Variants in DNAH11 observed in about 807,000 individuals in gnomAD.
The protein encoded by DNAH11 is dynein axonemal heavy chain 11.
Under a neutral mutation model 526.0 loss-of-function variants are expected in DNAH11, and 442 were observed. The ratio of observed to expected loss-of-function variants is 0.84; its 90% CI spans 0.78 to 0.91. DNAH11 has a LOEUF of 0.91. DNAH11 is among the 40% of genes least tolerant of loss of function. The probability of loss-of-function intolerance (pLI) is 0.00; values close to 1 mark genes in which losing one functional copy is unlikely to be tolerated. For missense variants in DNAH11, 6,989 were observed against 5,448.7 expected (o/e 1.28, Z -8.90); for synonymous variants, 2,461 against 1,935.9 (o/e 1.27, Z -7.12).
At chr7:21,735,349 C>A (rs10276395) in intron 45 of DNAH11, among the ~76,000 whole-genome samples, 6 of 152,012 alleles carry the variant, frequency 3.9e-5, no homozygotes, top group African/African-American at 9.7e-5. Context: ...GAATTAGGAG[C>A]CTTGGGGGCT....
intron 74 of DNAH11, among the ~76,000 whole-genome samples, chr7:21,875,158 G>A (rs1342196080): frequency 1.3e-5 from 2 of 152,040 alleles, no homozygotes; most frequent in Non-Finnish European, 2.9e-5. Flanking sequence ...AAATCTTTTT[G>A]AAACTATTAA....
At chr7:21,757,093 C>A (rs921519738) in intron 54 of DNAH11, among the ~76,000 whole-genome samples, 2 of 152,172 alleles carry the variant, frequency 1.3e-5, no homozygotes, top group African/African-American at 2.4e-5. Flanking sequence ...ATTTTACCAA[C>A]CAATTCAGTG....
At chr7:21,544,923 C>T (rs1464535357) in intron 1 of DNAH11, 83 bp from the exon 2 acceptor site, 3 of 1,201,954 alleles carry the variant, frequency 2.5e-6, no homozygotes, top group East Asian at 2.6e-5. Context: ...CTTCTGCTAG[C>T]AATACAGCTA....
chr7:21,750,498 C>T, intron 54 of DNAH11, 134 bp downstream of exon 54: 2 of 1,198,206 alleles, frequency 1.7e-6, no homozygotes, highest in South Asian at 1.4e-5. Flanking sequence ...TTTTACACGC[C>T]TGTATCTGGA....
chr7:21,688,640 A>G (rs1207741926), intron 34 of DNAH11, among the ~76,000 whole-genome samples: 2 of 152,174 alleles, frequency 1.3e-5, no homozygotes, highest in East Asian at 1.9e-4. Flanking sequence ...CCAAAATAAA[A>G]ATCTTAGTCC....
chr7:21,726,753 C>T (rs202224391), intron 45 of DNAH11, among the ~76,000 whole-genome samples: 4 of 142,028 alleles, frequency 2.8e-5, no homozygotes, highest in South Asian at 2.4e-4. Context: ...CCCAGCTACT[C>T]GGGAGTCTGA....
At chr7:21,811,250 G>A (rs1418450633) in intron 63 of DNAH11, among the ~76,000 whole-genome samples, 1 of 152,016 alleles carries the variant, frequency 6.6e-6, no homozygotes, top group Non-Finnish European at 1.5e-5. Flanking sequence ...ATCACTTGAG[G>A]TCAGGAGTTC....
At chr7:21,755,746 A>G (rs2128494615) in intron 54 of DNAH11, among the ~76,000 whole-genome samples, 1 of 152,176 alleles carries the variant, frequency 6.6e-6, no homozygotes, top group East Asian at 1.9e-4. Flanking sequence ...TTACCTTCCC[A>G]TTTGTCTTTC....
At chr7:21,857,714 C>T (rs1252989980) in intron 68 of DNAH11, among the ~76,000 whole-genome samples, 3 of 152,012 alleles carry the variant, frequency 2.0e-5, no homozygotes, top group Non-Finnish European at 4.4e-5. Context: ...GGTGCCAAGA[C>T]AATTCAATGA....
At chr7:21,602,423 A>G (rs1785128170) in intron 18 of DNAH11, among the ~76,000 whole-genome samples, 1 of 152,168 alleles carries the variant, frequency 6.6e-6, no homozygotes. Flanking sequence ...TTTCTATGCC[A>G]TCCACCTGTT....
At chr7:21,754,491 C>T (rs1786541784) in intron 54 of DNAH11, among the ~76,000 whole-genome samples, 1 of 152,012 alleles carries the variant, frequency 6.6e-6, no homozygotes, top group African/African-American at 2.4e-5. Context: ...GTTGTCTAAT[C>T]CTTTTTATGG....
chr7:21,668,372 CTG>C (rs1032544018), intron 30 of DNAH11, among the ~76,000 whole-genome samples: 1 of 152,118 alleles, frequency 6.6e-6, no homozygotes, highest in Non-Finnish European at 1.5e-5. Flanking sequence ...GTCAGACATG[CTG>C]TCTTATAAAA....
intron 36 of DNAH11, among the ~76,000 whole-genome samples, chr7:21,699,451 A>G (rs989868000): frequency 1.3e-5 from 2 of 152,190 alleles, no homozygotes; most frequent in African/African-American, 4.8e-5. Context: ...ATTACTGGTG[A>G]CATTATTCTG....
intron 25 of DNAH11, among the ~76,000 whole-genome samples, chr7:21,622,067 AC>A (rs1225025432): frequency 6.6e-5 from 10 of 151,940 alleles, no homozygotes; most frequent in African/African-American, 2.4e-4. Context: ...TATCTAGAAA[AC>A]CCCATTGTCT....
At chr7:21,639,433 C>A (rs1787020787) in intron 28 of DNAH11, among the ~76,000 whole-genome samples, 1 of 152,166 alleles carries the variant, frequency 6.6e-6, no homozygotes, top group Admixed American at 6.5e-5. Flanking sequence ...AAGATCATAG[C>A]TGGTACCTTC....
chr7:21,885,190 AC>A (rs202195539), intron 76 of DNAH11, among the ~76,000 whole-genome samples: 12 of 83,666 alleles, frequency 1.4e-4, no homozygotes, highest in South Asian at 4.2e-4. Flanking sequence ...AAAAAAAAAC[AC>A]ACACATTTAT....
At chr7:21,744,647 G>A in intron 50 of DNAH11, 48 bp downstream of exon 50, 2 of 1,599,428 alleles carry the variant, frequency 1.3e-6, no homozygotes, top group South Asian at 2.3e-5. Context: ...ACACCAACTG[G>A]GTATTGGGAC....
chr7:21,831,216 G>A (rs1790537221), intron 65 of DNAH11, among the ~76,000 whole-genome samples: 1 of 152,128 alleles, frequency 6.6e-6, no homozygotes, highest in African/African-American at 2.4e-5. Flanking sequence ...AAGTTCAAGA[G>A]CTCATAGCTA....
At chr7:21,557,357 G>T (rs1055269918) in intron 2 of DNAH11, among the ~76,000 whole-genome samples, 36 of 152,126 alleles carry the variant, frequency 2.4e-4, no homozygotes, top group African/African-American at 8.0e-4. Flanking sequence ...AAATACCACA[G>T]ACTTGATGGT....
Sources: allele counts gnomAD v4.1 joint callset (sites outside exome capture counted in the v4.1 genomes callset), GRCh38; gene constraint gnomAD v4.1.1; transcripts MANE v1.5; gene names NCBI Gene and HGNC (gene_info 2026-07-23, HGNC 2026-07-21).